The following PALLD variants were observed in gnomAD, a reference collection of about 807,000 sequenced individuals.
The protein encoded by PALLD is palladin.
A neutral mutation model predicts 123.5 loss-of-function variants in PALLD; 61 were observed. The ratio of observed to expected loss-of-function variants is 0.49; its 90% CI spans 0.40 to 0.61. PALLD has a LOEUF of 0.61. Among genes scored for constraint, PALLD ranks in the 20% least tolerant of loss-of-function variants. The probability of loss-of-function intolerance (pLI) is 0.00; values close to 1 mark genes in which losing one functional copy is unlikely to be tolerated. For synonymous variants in PALLD, 465 were observed against 496.4 expected, an observed-to-expected ratio of 0.94 and a Z score of 0.84; for missense variants, 1,273 against 1,377.0, an observed-to-expected ratio of 0.92 and a Z score of 1.20.
At chr4:168,656,239 C>G (rs373984291) in intron 2 of PALLD, among the ~76,000 whole-genome samples, 2 of 131,386 alleles carry the variant, frequency 1.5e-5, no homozygotes, top group African/African-American at 2.8e-5. Flanking sequence ...CATTCTCCAC[C>G]CCCCCACCCC....
chr4:168,816,658 A>G (rs1741998861), intron 10 of PALLD, among the ~76,000 whole-genome samples: 1 of 151,988 alleles, frequency 6.6e-6, no homozygotes. Flanking sequence ...CTTTGCGGTG[A>G]CTTCCAGTGA....
chr4:168,617,418 T>C (rs932366028), intron 2 of PALLD, among the ~76,000 whole-genome samples: 1 of 152,142 alleles, frequency 6.6e-6, no homozygotes, highest in African/African-American at 2.4e-5. Flanking sequence ...AAGCAGTCCA[T>C]TGTGGGGGAT....
At chr4:168,616,782 C>T (rs1473940058) in intron 2 of PALLD, among the ~76,000 whole-genome samples, 2 of 152,130 alleles carry the variant, frequency 1.3e-5, no homozygotes, top group Non-Finnish European at 2.9e-5. Context: ...CCAGGCAATT[C>T]CTAAGACCCT....
intron 2 of PALLD, among the ~76,000 whole-genome samples, chr4:168,517,472 G>A (rs775854128): frequency 4.6e-5 from 7 of 152,052 alleles, no homozygotes; most frequent in Non-Finnish European, 8.8e-5. Flanking sequence ...TCGAAATACA[G>A]CATGTCCAAT....
intron 2 of PALLD, among the ~76,000 whole-genome samples, chr4:168,531,559 A>G (rs1764602894): frequency 1.3e-5 from 2 of 152,224 alleles, no homozygotes; most frequent in East Asian, 1.9e-4. Flanking sequence ...TTCTGTCCCC[A>G]TGACGGAAGA....
At chr4:168,720,383 T>A (rs1785879161) in intron 10 of PALLD, among the ~76,000 whole-genome samples, 1 of 152,238 alleles carries the variant, frequency 6.6e-6, no homozygotes, top group African/African-American at 2.4e-5. Flanking sequence ...TGATTTTCAT[T>A]ATCCTCGAAG....
chr4:168,807,377 T>C (rs966576246), intron 10 of PALLD, among the ~76,000 whole-genome samples: 2 of 152,078 alleles, frequency 1.3e-5, no homozygotes, highest in Admixed American at 6.5e-5. Context: ...CTGTGCAACA[T>C]ATTGAGACTC....
At chr4:168,533,894 T>G (rs143601608) in intron 2 of PALLD, among the ~76,000 whole-genome samples, 13 of 152,182 alleles carry the variant, frequency 8.5e-5, no homozygotes, top group Non-Finnish European at 2.9e-5. Context: ...ATTTGCCACA[T>G]TGACGAAGAC....
intron 2 of PALLD, among the ~76,000 whole-genome samples, chr4:168,541,671 G>T (rs907470375): frequency 5.9e-5 from 9 of 151,716 alleles, no homozygotes; most frequent in African/African-American, 2.2e-4. Context: ...CAGGCTAGTC[G>T]CAAACTCCTG....
At chr4:168,682,308 C>A (rs1236631943) in intron 4 of PALLD, among the ~76,000 whole-genome samples, 1 of 152,108 alleles carries the variant, frequency 6.6e-6, no homozygotes, top group African/African-American at 2.4e-5. Flanking sequence ...ATCCATTCAG[C>A]ATCAAATAAT....
At chr4:168,771,680 G>T (rs889303215) in intron 10 of PALLD, among the ~76,000 whole-genome samples, 1 of 152,052 alleles carries the variant, frequency 6.6e-6, no homozygotes, top group Non-Finnish European at 1.5e-5. Flanking sequence ...TCTACACTTG[G>T]TCTCAGCCAT....
chr4:168,877,863 C>A, intron 10 of PALLD: 1 of 1,413,162 alleles, frequency 7.1e-7, no homozygotes, highest in Non-Finnish European at 9.2e-7. Context: ...GAGCTCGCGG[C>A]CTGCACGCCG....
intron 10 of PALLD, among the ~76,000 whole-genome samples, chr4:168,889,874 A>G (rs1391880649): frequency 6.6e-6 from 1 of 152,242 alleles, no homozygotes; most frequent in Non-Finnish European, 1.5e-5. Flanking sequence ...TCCAGGGACC[A>G]CACCTTGAGA....
Position 168,915,883 on chromosome 4 carries a change from T to C in PALLD, c.2718-12T>C, listed in dbSNP as rs775340009. On this transcript the variant is annotated splice_polypyrimidine_tract_variant and intron_variant, in intron 16 of 21. Coordinates refer to ENST00000505667, the MANE Select transcript of PALLD (RefSeq NM_001166108.2). ...TATATTTCTATCTATCTGTCATCTT[T>C]CTTGTTTCAAGGCCTCGTTCTAGAT... 32 of 1,609,244 alleles carry C rather than the reference T, an allele frequency of 2.0e-5. No homozygotes were observed. The South Asian group carries it at 3.2e-4, about 16-fold the overall frequency.
intron 2 of PALLD, among the ~76,000 whole-genome samples, chr4:168,549,277 A>T (rs928777164): frequency 6.6e-6 from 1 of 152,082 alleles, no homozygotes; most frequent in African/African-American, 2.4e-5. Flanking sequence ...AAAAAAAAAA[A>T]AATTAGTATT....
At chr4:168,606,663 C>CAAAA (rs70961540) in intron 2 of PALLD, among the ~76,000 whole-genome samples, 6 of 92,094 alleles carry the variant, frequency 6.5e-5, no homozygotes, top group African/African-American at 1.3e-4. Flanking sequence ...GACTCCGTCT[C>CAAAA]AAAAAAAAAA....
At chr4:168,774,117 TAAAAC>T (rs1371079976) in intron 10 of PALLD, among the ~76,000 whole-genome samples, 1 of 150,084 alleles carries the variant, frequency 6.7e-6, no homozygotes, top group Admixed American at 6.7e-5. Flanking sequence ...CTGTGTAAAA[TAAAAC>T]AGATTCAGAA....
At chr4:168,863,609 T>C (rs72975224) in intron 10 of PALLD, among the ~76,000 whole-genome samples, 12,520 of 152,234 alleles carry the variant, frequency 0.082, 1,735 homozygotes, top group African/African-American at 0.28. Flanking sequence ...TGAAAGACGA[T>C]AGCATGATGT....
At chr4:168,553,822 G>A (rs753516568) in intron 2 of PALLD, among the ~76,000 whole-genome samples, 3 of 151,910 alleles carry the variant, frequency 2.0e-5, no homozygotes, top group Non-Finnish European at 2.9e-5. Flanking sequence ...TCCTCTTACT[G>A]GAATGTTCTT....
Sources: allele counts gnomAD v4.1 joint callset (sites outside exome capture counted in the v4.1 genomes callset), GRCh38; gene constraint gnomAD v4.1.1; transcripts MANE v1.5; gene names NCBI Gene and HGNC (gene_info 2026-07-23, HGNC 2026-07-21).